The following PCDHGA9 variants were observed in gnomAD, a reference collection of about 807,000 sequenced individuals.
PCDHGA9 encodes the protein protocadherin gamma subfamily A, 9.
Under a neutral mutation model 62.5 loss-of-function variants are expected in PCDHGA9, and 37 were observed. The observed-to-expected ratio is 0.59, with a 90% CI of 0.46 to 0.78. The LOEUF is 0.78. Ranked by LOEUF, PCDHGA9 falls within the 30% of genes least tolerant of loss-of-function variation. PCDHGA9 has a pLI of 0.00. For synonymous variants in PCDHGA9, 459 were observed against 484.6 expected, an observed-to-expected ratio of 0.95 and a Z score of 0.69; for missense variants, 1,138 against 1,166.2, an observed-to-expected ratio of 0.98 and a Z score of 0.35.
chr5:141,504,078 C>T (rs1333392062), intron 2 of PCDHGA9, among the ~76,000 whole-genome samples: 1 of 152,078 alleles, frequency 6.6e-6, no homozygotes, highest in Non-Finnish European at 1.5e-5. Flanking sequence ...CCAGATGGTG[C>T]CAAACAGTTA....
chr5:141,404,360 TC>T lies in PCDHGA9; in HGVS notation c.1410del (p.Ile471SerfsTer4), dbSNP rs780435528. 1 of 1,613,900 alleles carries T rather than the reference TC, an allele frequency of 6.2e-7. No individual in the cohort carries two copies. On this transcript the variant is annotated frameshift_variant, in exon 1 of 4. Coordinates refer to ENST00000573521, the MANE Select transcript of PCDHGA9 (RefSeq NM_018921.3). LOFTEE classifies it high-confidence loss of function. ...CCCGGAAAACAACGCCAGAGGTACTTCCATCTTCTCCGTGATTGCCTATGAC... is the reference window on the plus strand; with the variant it reads ...CCCGGAAAACAACGCCAGAGGTACTTCATCTTCTCCGTGATTGCCTATGAC... ...YLPENNARGT[S>X]IFSVIAYDPD...
chr5:141,485,661 G>A lies in PCDHGA9; in HGVS notation c.2425-9146G>A. On this transcript the variant is annotated intron_variant, in intron 1 of 3. Transcript: ENST00000573521. This position sits in a 1 kb window ranked among gnomAD's most constrained non-coding sequence, Gnocchi z 5.7. ...GAAAAGGCTCAGGATGCAGATGTGGGGAGCAATTCGATTAGCAGCTATAGG... is the reference window on the plus strand; with the variant it reads ...GAAAAGGCTCAGGATGCAGATGTGGAGAGCAATTCGATTAGCAGCTATAGG... 2 of 1,612,678 alleles carry A rather than the reference G, an allele frequency of 1.2e-6. No individual in the cohort carries two copies. Among genetic ancestry groups the A allele is most frequent in the Non-Finnish European group, 1.7e-6 (2 of 1,178,884 alleles).
chr5:141,494,656 C>CT, intron 1 of PCDHGA9, 151 bp from the exon 2 acceptor site: 1 of 1,478,476 alleles, frequency 6.8e-7, no homozygotes, highest in Non-Finnish European at 9.1e-7. Flanking sequence ...TGTATTTTGT[C>CT]TTTGGAGATG....
At position 141,491,093 on chromosome 5, in the gene PCDHGA9, T is replaced by G; in HGVS notation, c.2425-3714T>G. The G allele has an allele frequency of 6.2e-7, 1 of 1,614,160 alleles. No individual in the cohort carries two copies. The highest frequency in any genetic ancestry group is 8.5e-7 in the Non-Finnish European group (1 of 1,180,008). On this transcript the variant is annotated intron_variant, in intron 1 of 3. Transcript: ENST00000573521. This position sits in a 1 kb window ranked among gnomAD's most constrained non-coding sequence, Gnocchi z 6.9. ...TTGCCACAGTCCACAGCCCCAGGAC[T>G]GTTCCTCGTGTCTACACACACTGGT... is the stretch of plus-strand genomic sequence containing the variant.
chr5:141,501,706 T>TA (rs2099810629), intron 2 of PCDHGA9, among the ~76,000 whole-genome samples: 1 of 152,094 alleles, frequency 6.6e-6, no homozygotes, highest in South Asian at 2.1e-4. Flanking sequence ...ATTCCGAGGA[T>TA]AAAAAAGACA....
Position 141,489,752 on chromosome 5 carries a change from C to G in PCDHGA9, c.2425-5055C>G. ...GGCACCAATACTGTGAGCTTTTACA[C>G]TCTAAGCCCCAACAGCCACTTCTCT... On this transcript the variant is annotated intron_variant, in intron 1 of 3. Coordinates refer to ENST00000573521, the MANE Select transcript of PCDHGA9 (RefSeq NM_018921.3). This position sits in a 1 kb window ranked among gnomAD's most constrained non-coding sequence, Gnocchi z 4.5. The G allele has an allele frequency of 6.2e-7, 1 of 1,614,136 alleles. No individual in the cohort carries two copies. The highest frequency in any genetic ancestry group is 8.5e-7 in the Non-Finnish European group (1 of 1,179,972).
intron 1 of PCDHGA9, chr5:141,423,753 G>GC (rs1489142243): frequency 4.8e-6 from 3 of 626,014 alleles, no homozygotes; most frequent in African/African-American, 5.1e-5. Context: ...AACTGTTTGG[G>GC]GGGGGGGTGG....
At chr5:141,463,034 G>A (rs2099051345) in intron 1 of PCDHGA9, among the ~76,000 whole-genome samples, 2 of 152,112 alleles carry the variant, frequency 1.3e-5, no homozygotes, top group African/African-American at 4.8e-5. Flanking sequence ...ATTAATCTGA[G>A]TGTTCAGCAG....
chr5:141,415,189 A>T (rs575244490), intron 1 of PCDHGA9: 2 of 1,613,840 alleles, frequency 1.2e-6, no homozygotes, highest in Non-Finnish European at 1.7e-6. Context: ...GGCCGACAGC[A>T]TCCCCCAAGT....
Position 141,510,990 on chromosome 5 carries a change from C to T in PCDHGA9, c.2616C>T (p.Thr872=). ...GSSTLGGGAG[T]MGLSARYGPQ... ...CCACCCTGGGAGGGGGTGCCGGCAC[C>T]ATGGGATTGAGCGCCCGCTACGGAC... The change falls in exon 4 of 4, where the codon ACC becomes ACT. Residue 872 remains threonine, a synonymous_variant. Transcript: ENST00000573521. The T allele has an allele frequency of 2.5e-6, 4 of 1,614,166 alleles. No homozygotes were observed. Among genetic ancestry groups the T allele is most frequent in the Non-Finnish European group, 3.4e-6 (4 of 1,180,014 alleles).
intron 1 of PCDHGA9, chr5:141,409,412 C>T (rs1261631725): frequency 1.2e-6 from 2 of 1,614,032 alleles, no homozygotes; most frequent in Non-Finnish European, 1.7e-6. Flanking sequence ...CTACTACAAA[C>T]TGGTGACAGA....
rs762408704 is a variant in PCDHGA9 at position 141,486,335 on chromosome 5, C to G, written c.2425-8472C>G. 6.2e-7 allele frequency: 1 copy of G among 1,613,936 alleles called. No individual in the cohort carries two copies. The highest frequency in any genetic ancestry group is 8.5e-7 in the Non-Finnish European group (1 of 1,180,002). ...AGGGTCAAACGGAGATGTGAGCCTC[C>G]GCATTCCTGACCACTTGCCATTTGC... On this transcript the variant is annotated intron_variant, in intron 1 of 3. Transcript: ENST00000573521. This position sits in a 1 kb window ranked among gnomAD's most constrained non-coding sequence, Gnocchi z 5.0.
chr5:141,478,758 T>C (rs1333135263), intron 1 of PCDHGA9: 2 of 1,515,540 alleles, frequency 1.3e-6, no homozygotes, highest in South Asian at 1.3e-5. Flanking sequence ...AGGGGGAAGA[T>C]ACTTGACTCA....
chr5:141,439,756 G>A (rs74623862), intron 1 of PCDHGA9: 30 of 152,422 alleles, frequency 2.0e-4, no homozygotes, highest in African/African-American at 7.0e-4. Context: ...CAGGCAATGA[G>A]TTCAGCTCCT....
At chr5:141,422,847 C>T (rs1271794821) in intron 1 of PCDHGA9, 2 of 1,614,116 alleles carry the variant, frequency 1.2e-6, no homozygotes, top group Non-Finnish European at 1.7e-6. Context: ...ACAGCGGGGA[C>T]CCGCCCCTCA....
chr5:141,410,847 G>GTATTTT, intron 1 of PCDHGA9: 1 of 158,250 alleles, frequency 6.3e-6, no homozygotes, highest in Non-Finnish European at 1.0e-5. Flanking sequence ...TTTTGTCTTT[G>GTATTTT]TCTTTTTTTT....
chr5:141,490,010 T>C lies in PCDHGA9; in HGVS notation c.2425-4797T>C, dbSNP rs749356078. On this transcript the variant is annotated intron_variant, in intron 1 of 3. Coordinates refer to ENST00000573521, the MANE Select transcript of PCDHGA9 (RefSeq NM_018921.3). The surrounding 1 kb of genome is among the most constrained non-coding windows in gnomAD (Gnocchi z 5.4). ...GTGGGAATCCCAGAGAATGCACCCA[T>C]TGGTACTCTGCTGCTCCGCCTCAAT... 11 of 1,614,198 alleles carry C rather than the reference T, an allele frequency of 6.8e-6. No homozygotes were observed. The highest frequency in any genetic ancestry group is 2.2e-5 in the South Asian group (2 of 91,082).
rs1330257915 is a variant in PCDHGA9 at position 141,486,153 on chromosome 5, C to T, written c.2425-8654C>T. Reference sequence around the variant, plus strand: ...GATGTGCGGGCTCGCGATGGGGGTTCTCCAGCCATGGAGCAACATTGCAGC... The same window carrying T: ...GATGTGCGGGCTCGCGATGGGGGTTTTCCAGCCATGGAGCAACATTGCAGC... On this transcript the variant is annotated intron_variant, in intron 1 of 3. Transcript: ENST00000573521. This position sits in a 1 kb window ranked among gnomAD's most constrained non-coding sequence, Gnocchi z 5.0. 1 of 1,614,084 alleles carries T rather than the reference C, an allele frequency of 6.2e-7. No homozygotes were observed. Among genetic ancestry groups the T allele is most frequent in the Non-Finnish European group, 8.5e-7 (1 of 1,180,036 alleles).
chr5:141,476,850 A>C lies in PCDHGA9; in HGVS notation c.2425-17957A>C, dbSNP rs747333239. Reference sequence around the variant, plus strand: ...GCGAATGACAATGCGCCTGTCTTCAACCAGTCCTTGTACCGGGCGCGCGTC... The same window carrying C: ...GCGAATGACAATGCGCCTGTCTTCACCCAGTCCTTGTACCGGGCGCGCGTC... On this transcript the variant is annotated intron_variant, in intron 1 of 3. Transcript: ENST00000573521. The surrounding 1 kb of genome is among the most constrained non-coding windows in gnomAD (Gnocchi z 7.6). The C allele has an allele frequency of 5.6e-6, 9 of 1,613,718 alleles. No individual in the cohort carries two copies. Among genetic ancestry groups the C allele is most frequent in the Non-Finnish European group, 7.6e-6 (9 of 1,180,054 alleles).
Sources: gnomAD v4.1 joint callset for allele counts (sites outside exome capture counted in the v4.1 genomes callset) on GRCh38, gnomAD v4.1.1 for gene constraint, Gnocchi (gnomAD v3.1) non-coding constraint, MANE v1.5 for transcripts, NCBI Gene and HGNC (gene_info 2026-07-23, HGNC 2026-07-21) for gene names.